The following APBA1 variants were observed in gnomAD, a reference collection of about 807,000 sequenced individuals.
APBA1 encodes amyloid beta precursor protein binding family A member 1.
APBA1 carries 55 observed loss-of-function variants against 86.6 expected under a neutral mutation model. That is an observed-to-expected ratio of 0.64 (90% CI 0.51 to 0.80). The LOEUF is 0.80. Among genes scored for constraint, APBA1 ranks in the 30% least tolerant of loss-of-function variants. The pLI is 0.00. For synonymous variants in APBA1, 511 were observed against 493.9 expected, an observed-to-expected ratio of 1.03 and a Z score of -0.46; for missense variants, 1,090 against 1,183.0, an observed-to-expected ratio of 0.92 and a Z score of 1.15.
chr9:69,476,053 T>C lies in APBA1; in HGVS notation c.1291A>G (p.Lys431Glu), dbSNP rs769356071. 1.9e-6 allele frequency: 3 copies of C among 1,613,866 alleles called. No homozygotes were observed. The highest frequency in any genetic ancestry group is 4.5e-5 in the East Asian group (2 of 44,888). Residue 431 changes from lysine (K) to glutamate (E), a missense_variant, in exon 3 of 13, where the codon AAA (lysine) becomes GAA (glutamate). Coordinates refer to ENST00000265381, the MANE Select transcript of APBA1 (RefSeq NM_001163.4). ...GTAACAAAACAGCACCCTACCTCTT[T>C]ATTAGTGGACGCTTCCACAGGGTCA... ...PSDPVEASTN[K>E]ESRKSLASFP... is the part of the protein sequence containing the mutation.
intron 8 of APBA1, among the ~76,000 whole-genome samples, chr9:69,453,715 C>T (rs1286859625): frequency 6.6e-6 from 1 of 152,208 alleles, no homozygotes; most frequent in Non-Finnish European, 1.5e-5. Context: ...TGTGCCATAA[C>T]CCCCTGACGG....
intron 10 of APBA1, 75 bp downstream of exon 10, chr9:69,449,509 A>G (rs1261055053): frequency 7.5e-7 from 1 of 1,328,006 alleles, no homozygotes; most frequent in African/African-American, 1.4e-5. Flanking sequence ...CATATACATT[A>G]ATGACTGGAT....
chr9:69,464,835 G>A (rs948525058), intron 5 of APBA1: 3 of 152,182 alleles, frequency 2.0e-5, no homozygotes, highest in Non-Finnish European at 4.4e-5. Flanking sequence ...AGTGCCATAA[G>A]GGGACTGGAA....
In APBA1 at chr9:69,614,084, T is replaced by C. The variant is rs1161047429; in HGVS notation, c.-70+58069A>G. ...GAAAGGGTTAAGGTTTTTGTTTGTT[T>C]GCTTTTTACATCCATGTAACTTTCT... On this transcript the variant is annotated intron_variant, in intron 1 of 12. Transcript: ENST00000265381. Among the ~76,000 whole-genome samples the C allele has an allele frequency of 3.9e-5, 6 of 152,226 alleles. No individual in the cohort carries two copies. In the East Asian group the frequency reaches 1.2e-3, roughly 29 times the overall value.
At chr9:69,460,304 C>CT (rs1359101721) in intron 5 of APBA1, among the ~76,000 whole-genome samples, 4 of 152,214 alleles carry the variant, frequency 2.6e-5, no homozygotes, top group Non-Finnish European at 5.9e-5. Flanking sequence ...GGTAGCAACT[C>CT]TGTCATCCTG....
chr9:69,583,654 T>C (rs147339809), intron 1 of APBA1, among the ~76,000 whole-genome samples: 43 of 152,360 alleles, frequency 2.8e-4, no homozygotes, highest in African/African-American at 9.4e-4. Context: ...TTTCTAATTA[T>C]ACAATTTTAA....
Position 69,608,054 on chromosome 9 carries a change from C to T in APBA1, c.-70+64099G>A, listed in dbSNP as rs1185989167. Among the ~76,000 whole-genome samples the T allele has an allele frequency of 2.6e-5, 4 of 152,314 alleles. No homozygotes were observed. In the East Asian group the frequency reaches 7.7e-4, roughly 29 times the overall value. On this transcript the variant is annotated intron_variant, in intron 1 of 12. Transcript: ENST00000265381. ...ACAGGATGGAAACAAGCCACATCTA[C>T]TATTTTTACACTACTCTGATCACAA...
At position 69,457,101 on chromosome 9, in the gene APBA1, ATC is replaced by A; in HGVS notation, c.1552_1553del (p.Asp518SerfsTer77). On this transcript the variant is annotated frameshift_variant, in exon 7 of 13. Coordinates refer to ENST00000265381, the MANE Select transcript of APBA1 (RefSeq NM_001163.4). LOFTEE classifies it high-confidence loss of function. ...TGATTCTCTGGGTAGAAATGAAGAGATCCACTTCAGTCATTGGCTGAGATTCG... is the reference window on the plus strand; with the variant it reads ...TGATTCTCTGGGTAGAAATGAAGAGACACTTCAGTCATTGGCTGAGATTCG... The part of the protein sequence containing the change: ...EGESQPMTEV[D>X]LFISTQRIKV... The A allele has an allele frequency of 1.9e-6, 3 of 1,614,188 alleles. No homozygotes were observed. Among genetic ancestry groups the A allele is most frequent in the Non-Finnish European group, 2.5e-6 (3 of 1,180,024 alleles).
intron 2 of APBA1, among the ~76,000 whole-genome samples, chr9:69,489,625 C>A (rs1290496240): frequency 3.9e-5 from 6 of 152,008 alleles, no homozygotes; most frequent in Non-Finnish European, 8.8e-5. Flanking sequence ...AACAAATTTA[C>A]AAGAAAAAAG....
Position 69,516,894 on chromosome 9 carries a change from G to T in APBA1, c.317C>A (p.Ala106Glu). Residue 106 changes from alanine to glutamate, a missense_variant, in exon 2 of 13, where the codon GCG becomes GAG. Physicochemically the swap from Ala to Glu is moderately radical, Grantham distance 107. Coordinates refer to ENST00000265381, the MANE Select transcript of APBA1 (RefSeq NM_001163.4). The surrounding 1 kb of genome is among the most constrained non-coding windows in gnomAD (Gnocchi z 7.3). The stretch of plus-strand genomic sequence containing the variant: ...GTCCTCGGGGTCCTGCGCGCGCTCC[G>T]CATCGTAGCCGTCGCGGGCCGCGGC... ...VIAAARDGYD[A>E]ERAQDPEDES... The T allele has an allele frequency of 1.3e-6, 2 of 1,594,244 alleles. No individual in the cohort carries two copies. The highest frequency in any genetic ancestry group is 2.2e-5 in the East Asian group (1 of 44,588).
At chr9:69,494,471 G>A (rs1835763946) in intron 2 of APBA1, 1 of 152,022 alleles carries the variant, frequency 6.6e-6, no homozygotes. Context: ...CTGAAGCCAT[G>A]TTCTCAAAGG....
chr9:69,504,124 A>C (rs1364163271), intron 2 of APBA1, among the ~76,000 whole-genome samples: 1 of 151,818 alleles, frequency 6.6e-6, no homozygotes, highest in African/African-American at 2.4e-5. Context: ...TTTCCTGATC[A>C]TTCTTGTTTT....
intron 10 of APBA1, among the ~76,000 whole-genome samples, chr9:69,447,117 G>T (rs1390758968): frequency 6.6e-6 from 1 of 152,160 alleles, no homozygotes. Flanking sequence ...GCTTGCTGGG[G>T]TCCCTTTTTT....
At chr9:69,484,254 G>C (rs1468020508) in intron 2 of APBA1, among the ~76,000 whole-genome samples, 1 of 152,078 alleles carries the variant, frequency 6.6e-6, no homozygotes, top group East Asian at 1.9e-4. Context: ...GATGATCTTA[G>C]GATGATGTAA....
At chr9:69,525,979 G>A (rs915195483) in intron 1 of APBA1, among the ~76,000 whole-genome samples, 1 of 152,112 alleles carries the variant, frequency 6.6e-6, no homozygotes, top group Non-Finnish European at 1.5e-5. Context: ...AGGACTCCTT[G>A]TTCAATAAAT....
At chr9:69,499,121 T>A (rs367759114) in intron 2 of APBA1, among the ~76,000 whole-genome samples, 1 of 152,108 alleles carries the variant, frequency 6.6e-6, no homozygotes. Flanking sequence ...CTGGATCATA[T>A]AAGAAAACAA....
chr9:69,587,164 C>G (rs1314790916), intron 1 of APBA1, among the ~76,000 whole-genome samples: 1 of 152,204 alleles, frequency 6.6e-6, no homozygotes, highest in African/African-American at 2.4e-5. Flanking sequence ...TCTCAACTCA[C>G]TATGGTTCAA....
intron 1 of APBA1, among the ~76,000 whole-genome samples, chr9:69,574,935 G>C (rs1037043973): frequency 1.3e-5 from 2 of 152,098 alleles, no homozygotes; most frequent in African/African-American, 4.8e-5. Context: ...TTATTATTGT[G>C]ACAGGGTTTC....
intron 1 of APBA1, among the ~76,000 whole-genome samples, chr9:69,583,933 C>T (rs1273587676): frequency 1.3e-5 from 2 of 152,196 alleles, no homozygotes; most frequent in African/African-American, 2.4e-5. Flanking sequence ...GGGCGTAATC[C>T]ATGTAAAGTG....
Sources: gnomAD v4.1 joint callset for allele counts (sites outside exome capture counted in the v4.1 genomes callset) on GRCh38, gnomAD v4.1.1 for gene constraint, Gnocchi (gnomAD v3.1) non-coding constraint, MANE v1.5 for transcripts, NCBI Gene and HGNC (gene_info 2026-07-23, HGNC 2026-07-21) for gene names.